Variants in PCLO observed in about 807,000 individuals in gnomAD.
PCLO encodes the protein piccolo presynaptic cytomatrix protein, also known as protein piccolo.
A neutral mutation model predicts 427.5 loss-of-function variants in PCLO; 82 were observed. The observed-to-expected ratio is 0.19, with a 90% CI of 0.16 to 0.23. PCLO has a LOEUF of 0.23. PCLO is among the 10% of genes least tolerant of loss of function. PCLO has a pLI of 1.00. For synonymous variants in PCLO, 2,357 were observed against 2,155.4 expected (o/e 1.09, Z -2.59); for missense variants, 6,239 against 6,115.9 (o/e 1.02, Z -0.67).
chr7:83,162,327 A>G lies in PCLO; in HGVS notation c.248+18T>C. 1 of 1,588,512 alleles carries G rather than the reference A, an allele frequency of 6.3e-7. No homozygotes were observed. On this transcript the variant is annotated intron_variant, in intron 1 of 24. Transcript: ENST00000333891. ...GCTGTACATATATGCCCGGACATAT[A>G]CATCATGCTGTGCATGCCTGTGCAT...
Position 82,916,314 on chromosome 7 carries a change from G to T in PCLO, c.11672C>A (p.Ser3891Tyr), listed in dbSNP as rs1794461365. 6.2e-7 allele frequency: 1 copy of T among 1,613,570 alleles called. No individual in the cohort carries two copies. Among genetic ancestry groups the T allele is most frequent in the Admixed American group, 1.7e-5 (1 of 59,964 alleles). Reference sequence around the variant, plus strand: ...TGCTTGGGTAGGAAGAGCAGGGGAAGAGTACTGGTATTGTGTGTAAGGACT... The same window carrying T: ...TGCTTGGGTAGGAAGAGCAGGGGAATAGTACTGGTATTGTGTGTAAGGACT... ...PTSPYTQYQY[S>Y]SPALPTQAPT... Residue 3891 changes from serine (S) to tyrosine (Y), a missense_variant, in exon 7 of 25, where the codon TCT (serine) becomes TAT (tyrosine). Physicochemically the swap from Ser to Tyr is moderately radical, Grantham distance 144. Coordinates refer to ENST00000333891, the MANE Select transcript of PCLO (RefSeq NM_033026.6).
At chr7:83,126,157 G>A (rs923363046) in intron 3 of PCLO, among the ~76,000 whole-genome samples, 1 of 152,142 alleles carries the variant, frequency 6.6e-6, no homozygotes, top group African/African-American at 2.4e-5. Context: ...TCACTCATAT[G>A]TGGGAACTAA....
At chr7:83,004,982 T>C (rs866473109) in intron 3 of PCLO, among the ~76,000 whole-genome samples, 11 of 151,694 alleles carry the variant, frequency 7.3e-5, no homozygotes, top group African/African-American at 2.2e-4. Flanking sequence ...TATATCACCT[T>C]ACACCTGTTA....
chr7:82,898,876 T>A (rs1487211836), intron 9 of PCLO, among the ~76,000 whole-genome samples: 2 of 151,350 alleles, frequency 1.3e-5, no homozygotes, highest in African/African-American at 2.4e-5. Flanking sequence ...TTTATCTACA[T>A]CTCCAACATT....
chr7:82,783,972 TC>T (rs141144967), intron 22 of PCLO, among the ~76,000 whole-genome samples: 10,670 of 151,924 alleles, frequency 0.07, 538 homozygotes, highest in African/African-American at 0.14. Context: ...CATACATGAA[TC>T]CGGAAGAAAT....
intron 3 of PCLO, among the ~76,000 whole-genome samples, chr7:83,111,161 T>C (rs1790993428): frequency 6.6e-6 from 1 of 152,210 alleles, no homozygotes. Flanking sequence ...ACAAAATCAA[T>C]AGACATTCTC....
intron 9 of PCLO, chr7:82,880,553 C>T: frequency 4.7e-6 from 1 of 213,468 alleles, no homozygotes; most frequent in Non-Finnish European, 1.0e-5. Flanking sequence ...AGCAGTGGCT[C>T]TCAAATGGGG....
intron 6 of PCLO, among the ~76,000 whole-genome samples, chr7:82,932,134 T>G (rs369988233): frequency 6.6e-6 from 1 of 152,222 alleles, no homozygotes; most frequent in East Asian, 1.9e-4. Flanking sequence ...GGAAACTGAG[T>G]AATTAAACCT....
At chr7:82,994,837 T>C (rs1327107062) in intron 3 of PCLO, among the ~76,000 whole-genome samples, 1 of 151,712 alleles carries the variant, frequency 6.6e-6, no homozygotes, top group East Asian at 1.9e-4. Flanking sequence ...AAGAAAGTAA[T>C]TTGAGAAAGA....
intron 3 of PCLO, among the ~76,000 whole-genome samples, chr7:83,079,715 T>C (rs1333571449): frequency 6.6e-6 from 1 of 152,108 alleles, no homozygotes; most frequent in African/African-American, 2.4e-5. Flanking sequence ...GATTTTTTTA[T>C]TTCAATATTT....
At position 82,950,271 on chromosome 7, in the gene PCLO, C is replaced by A. The variant is rs369636402; in HGVS notation, c.10317G>T (p.Lys3439Asn). 1.9e-6 allele frequency: 3 copies of A among 1,613,256 alleles called. No individual in the cohort carries two copies. The African/African-American group carries it at 4.0e-5, about 22-fold the overall frequency. Residue 3439 changes from lysine to asparagine, a missense_variant, in exon 6 of 25, where the codon AAG becomes AAT. Physicochemically the swap from Lys to Asn is moderately conservative, Grantham distance 94 (BLOSUM62 0). Coordinates refer to ENST00000333891, the MANE Select transcript of PCLO (RefSeq NM_033026.6). ...CCGTTTGTACACCACTGTCCACTAT[C>A]TTTTTAAAACTTCGGGGATCATCTG... ...NMTDDPRSFK[K>N]IVDSGVQTDD...
intron 10 of PCLO, among the ~76,000 whole-genome samples, chr7:82,848,305 T>TTTG (rs1491530030): frequency 2.3e-5 from 1 of 44,356 alleles, no homozygotes; most frequent in Admixed American, 2.8e-4. Flanking sequence ...CATTAGTTAG[T>TTTG]TTTTTTTTTT....
chr7:83,008,199 A>C, intron 3 of PCLO, among the ~76,000 whole-genome samples: 1 of 151,702 alleles, frequency 6.6e-6, no homozygotes, highest in East Asian at 1.9e-4. Flanking sequence ...TAAAGATTGT[A>C]TATTAGCAAT....
At chr7:82,854,254 G>A (rs573916534) in intron 10 of PCLO, among the ~76,000 whole-genome samples, 3 of 151,976 alleles carry the variant, frequency 2.0e-5, no homozygotes, top group Admixed American at 2.0e-4. Flanking sequence ...TGTAACATTT[G>A]GATTGGTTAA....
At chr7:82,909,874 TGACAA>T (rs1794280084) in intron 7 of PCLO, among the ~76,000 whole-genome samples, 1 of 152,096 alleles carries the variant, frequency 6.6e-6, no homozygotes, top group African/African-American at 2.4e-5. Flanking sequence ...ACTCACACTG[TGACAA>T]AATTTCACAG....
chr7:82,997,515 C>T (rs961736192), intron 3 of PCLO, among the ~76,000 whole-genome samples: 1 of 151,936 alleles, frequency 6.6e-6, no homozygotes, highest in Non-Finnish European at 1.5e-5. Flanking sequence ...TGATTAGTAA[C>T]AACAACTACA....
chr7:83,054,479 T>G (rs558925644), intron 3 of PCLO, among the ~76,000 whole-genome samples: 1 of 152,172 alleles, frequency 6.6e-6, no homozygotes, highest in Non-Finnish European at 1.5e-5. Context: ...GCGTAATTAA[T>G]AGAGGGCAAA....
At chr7:83,101,527 A>G (rs1790739312) in intron 3 of PCLO, among the ~76,000 whole-genome samples, 1 of 152,266 alleles carries the variant, frequency 6.6e-6, no homozygotes, top group Non-Finnish European at 1.5e-5. Flanking sequence ...TAGAAAATAA[A>G]CTAAGTATTT....
At chr7:82,853,318 C>A (rs1476880121) in intron 10 of PCLO, among the ~76,000 whole-genome samples, 1 of 152,036 alleles carries the variant, frequency 6.6e-6, no homozygotes, top group Non-Finnish European at 1.5e-5. Context: ...AGCCTCCTCA[C>A]CATTCTCCAG....
Sources: allele counts gnomAD v4.1 joint callset (sites outside exome capture counted in the v4.1 genomes callset), GRCh38; gene constraint gnomAD v4.1.1; transcripts MANE v1.5; gene names NCBI Gene and HGNC (gene_info 2026-07-23, HGNC 2026-07-21).